The following MCF2L2 variants were observed in gnomAD, a reference collection of about 807,000 sequenced individuals.
MCF2L2 encodes the protein MCF.2 cell line derived transforming sequence-like 2, also known as probable guanine nucleotide exchange factor MCF2L2.
A neutral mutation model predicts 150.2 loss-of-function variants in MCF2L2; 102 were observed. The observed-to-expected ratio is 0.68, with a 90% confidence interval of 0.58 to 0.80. The LOEUF (loss-of-function observed/expected upper bound fraction) is 0.80. MCF2L2 is among the 30% of genes least tolerant of loss of function. MCF2L2 has a pLI of 0.00. For missense variants in MCF2L2, 1,256 were observed against 1,372.8 expected (o/e 0.91, Z 1.34); for synonymous variants, 465 against 491.3 (o/e 0.95, Z 0.71).
rs187664344 is a variant in MCF2L2, at chr3:183,232,494, T to G, written c.1863-1477A>C. 2.0e-5 allele frequency among the ~76,000 whole-genome samples: 3 copies of G among 152,228 alleles called. No homozygotes were observed. In the East Asian group the frequency reaches 5.8e-4, roughly 29 times the overall value. On this transcript the variant is annotated intron_variant, in intron 15 of 29. Transcript: ENST00000328913. ...TCTCTCCTCAGGCTACGTGGCCATA[T>G]TTATTATTTCTTTTAGGAGTCCAAG... is the stretch of plus-strand genomic sequence containing the variant.
chr3:183,360,435 G>A (rs1386901622), intron 3 of MCF2L2, among the ~76,000 whole-genome samples: 1 of 151,984 alleles, frequency 6.6e-6, no homozygotes, highest in African/African-American at 2.4e-5. Context: ...TGAGCATGGT[G>A]GCATGCCTGT....
chr3:183,302,640 C>T (rs1728910861), intron 10 of MCF2L2, among the ~76,000 whole-genome samples: 1 of 152,104 alleles, frequency 6.6e-6, no homozygotes, highest in Non-Finnish European at 1.5e-5. Flanking sequence ...GGGGCTGCTG[C>T]AGGAATCCAG....
intron 1 of MCF2L2, among the ~76,000 whole-genome samples, chr3:183,427,258 C>T (rs1257477886): frequency 6.6e-6 from 1 of 152,192 alleles, no homozygotes; most frequent in Non-Finnish European, 1.5e-5. Context: ...GACGTTCCAT[C>T]ACAACCCTTA....
At chr3:183,320,094 C>CTTTTT (rs568657208) in intron 6 of MCF2L2, among the ~76,000 whole-genome samples, 2 of 134,662 alleles carry the variant, frequency 1.5e-5, no homozygotes, top group African/African-American at 5.6e-5. Flanking sequence ...TTTTTCTTTT[C>CTTTTT]TTTTTTTTTT....
rs1726693521 is a variant in MCF2L2, at chr3:183,270,736, C to T, written c.1862+6136G>A. 2 of 1,613,542 alleles carry T rather than the reference C, an allele frequency of 1.2e-6. No homozygotes were observed. Among genetic ancestry groups the T allele is most frequent in the East Asian group, 2.2e-5 (1 of 44,880 alleles). Reference sequence around the variant, plus strand: ...GGAGAGGGTAAAACTCCTTATCATCCCTGCATCTATGAAAAAATGATGACA... The same window carrying T: ...GGAGAGGGTAAAACTCCTTATCATCTCTGCATCTATGAAAAAATGATGACA... On this transcript the variant is annotated intron_variant, in intron 15 of 29. Coordinates refer to ENST00000328913, the MANE Select transcript of MCF2L2 (RefSeq NM_015078.4). This position sits in a 1 kb window ranked among gnomAD's most constrained non-coding sequence, Gnocchi z 4.5.
rs1479296770 is a variant in MCF2L2, at chr3:183,179,386, C to T, written c.3339G>A (p.Glu1113=). The change falls in exon 30 of 30, where the codon GAG becomes GAA. Residue 1113 remains glutamate (E), a synonymous_variant. Transcript: ENST00000328913. The surrounding 1 kb of genome is among the most constrained non-coding windows in gnomAD (Gnocchi z 4.2). Reference sequence around the variant, plus strand: ...GGGGGCGTCCGCAGGGAGGTCAGCTCTCCTGGGCGGAGGTCCTCGGGCGCA... The same window carrying T: ...GGGGGCGTCCGCAGGGAGGTCAGCTTTCCTGGGCGGAGGTCCTCGGGCGCA... ...RALRPRTSAQ[E]S 7.8e-6 allele frequency: 12 copies of T among 1,538,524 alleles called. No individual in the cohort carries two copies. In the East Asian group the frequency reaches 1.2e-4, roughly 15 times the overall value.
intron 6 of MCF2L2, among the ~76,000 whole-genome samples, chr3:183,321,532 G>C (rs971738118): frequency 6.6e-6 from 1 of 151,962 alleles, no homozygotes; most frequent in Non-Finnish European, 1.5e-5. Flanking sequence ...ATTTGTCAGA[G>C]AGGCACGAAG....
intron 7 of MCF2L2, among the ~76,000 whole-genome samples, chr3:183,314,670 C>T (rs1729523477): frequency 6.6e-6 from 1 of 151,852 alleles, no homozygotes; most frequent in Non-Finnish European, 1.5e-5. Flanking sequence ...TGGTATATCA[C>T]ACGCTACAAC....
Position 183,348,446 on chromosome 3 carries a change from T to C in MCF2L2, c.276-6816A>G, listed in dbSNP as rs184387103. 1.6e-3 allele frequency among the ~76,000 whole-genome samples: 237 copies of C among 151,830 alleles called. 1 individual carries two copies. In the Middle Eastern group the frequency reaches 0.017, roughly 11 times the overall value. ...GGGGGGGCGAGGGGAGGGAGAGAATTAGGACAAATACCTAGTGTAGATGAT... is the reference window on the plus strand; with the variant it reads ...GGGGGGGCGAGGGGAGGGAGAGAATCAGGACAAATACCTAGTGTAGATGAT... On this transcript the variant is annotated intron_variant, in intron 3 of 29. Coordinates refer to ENST00000328913, the MANE Select transcript of MCF2L2 (RefSeq NM_015078.4).
intron 3 of MCF2L2, chr3:183,374,104 C>G (rs1421239008): frequency 6.5e-6 from 1 of 153,088 alleles, no homozygotes; most frequent in African/African-American, 2.4e-5. Context: ...CCTGCTCTCT[C>G]CAATCCATCC....
rs1726272103 is a variant in MCF2L2 at position 183,267,522 on chromosome 3, G to GGGGGTTT, written c.1862+9349_1862+9350insAAACCCC. Among the ~76,000 whole-genome samples the GGGGGTTT allele has an allele frequency of 6.6e-6, 1 of 152,226 alleles. No individual in the cohort carries two copies. The highest frequency in any genetic ancestry group is 1.5e-5 in the Non-Finnish European group (1 of 68,038). Reference sequence around the variant, plus strand: ...GTGTACAGTTGGTTTTCTATCAGGGGTCAACCGGCGGGGGGACTTGAGAAC... The same window carrying GGGGGTTT: ...GTGTACAGTTGGTTTTCTATCAGGGGGGGGTTTTCAACCGGCGGGGGGACTTGAGAAC... On this transcript the variant is annotated intron_variant, in intron 15 of 29. Transcript: ENST00000328913. The surrounding 1 kb of genome is among the most constrained non-coding windows in gnomAD (Gnocchi z 5.5).
At chr3:183,307,640 A>G (rs921244217) in intron 10 of MCF2L2, among the ~76,000 whole-genome samples, 4 of 152,228 alleles carry the variant, frequency 2.6e-5, no homozygotes, top group African/African-American at 9.6e-5. Flanking sequence ...GCAACTTTTG[A>G]AGTATATACC....
rs1025463735 is a variant in MCF2L2 at position 183,227,582 on chromosome 3, C to A, written c.2115+715G>T. The A allele has an allele frequency of 1.3e-5, 2 of 152,180 alleles. No homozygotes were observed. The highest frequency in any genetic ancestry group is 2.9e-5 in the Non-Finnish European group (2 of 68,034). The allele number at this position is 152,180 out of a possible 1,614,324, so 9.4% of individuals were successfully genotyped here. A position where few individuals can be genotyped will look rare whatever the true frequency, so the allele number is the denominator to read the frequency against. On this transcript the variant is annotated intron_variant, in intron 18 of 29. Transcript: ENST00000328913. This position sits in a 1 kb window ranked among gnomAD's most constrained non-coding sequence, Gnocchi z 4.0. The stretch of plus-strand genomic sequence containing the variant: ...GCTTTATTGTGGGACTCTAACCTCG[C>A]TGTATGATTCTTGTTTTAAAACGTA...
At chr3:183,307,850 C>T (rs902780583) in intron 10 of MCF2L2, among the ~76,000 whole-genome samples, 1 of 152,380 alleles carries the variant, frequency 6.6e-6, no homozygotes. Flanking sequence ...CACTCATTTC[C>T]TCCTGGCCCA....
intron 22 of MCF2L2, among the ~76,000 whole-genome samples, chr3:183,214,242 A>G (rs1418640011): frequency 6.6e-6 from 1 of 152,182 alleles, no homozygotes; most frequent in Admixed American, 6.5e-5. Context: ...CCCTGGATTG[A>G]CCTAACAAAT....
At chr3:183,277,832 T>C (rs902185240) in intron 14 of MCF2L2, among the ~76,000 whole-genome samples, 1 of 151,602 alleles carries the variant, frequency 6.6e-6, no homozygotes, top group East Asian at 1.9e-4. Context: ...AATCTAAATT[T>C]TAGTTCCCTC....
intron 3 of MCF2L2, among the ~76,000 whole-genome samples, chr3:183,353,717 C>T (rs1002009470): frequency 3.3e-5 from 5 of 152,188 alleles, no homozygotes; most frequent in South Asian, 2.1e-4. Context: ...CCCACCAGGC[C>T]CCACCTCCAA....
At chr3:183,352,785 GAT>G (rs1711554283) in intron 3 of MCF2L2, among the ~76,000 whole-genome samples, 1 of 152,174 alleles carries the variant, frequency 6.6e-6, no homozygotes, top group Non-Finnish European at 1.5e-5. Flanking sequence ...GATACTTGGA[GAT>G]ATATGAAAAA....
intron 22 of MCF2L2, among the ~76,000 whole-genome samples, chr3:183,212,559 T>A (rs796613936): frequency 9.2e-5 from 14 of 152,308 alleles, no homozygotes; most frequent in African/African-American, 3.1e-4. Flanking sequence ...TGTGACTACA[T>A]TGGCCAAATG....
Sources: gnomAD v4.1 joint callset for allele counts (sites outside exome capture counted in the v4.1 genomes callset) on GRCh38, gnomAD v4.1.1 for gene constraint, Gnocchi (gnomAD v3.1) non-coding constraint, MANE v1.5 for transcripts, NCBI Gene and HGNC (gene_info 2026-07-23, HGNC 2026-07-21) for gene names.